GRIP1: variants seen among roughly 807,000 people sequenced by gnomAD.
The protein encoded by GRIP1 is glutamate receptor interacting protein 1.
GRIP1 carries 45 observed loss-of-function variants against 129.9 expected under a neutral mutation model. The observed-to-expected ratio is 0.35, with a 90% CI of 0.27 to 0.44. GRIP1 has a LOEUF of 0.44. Among genes scored for constraint, GRIP1 ranks in the 20% least tolerant of loss-of-function variants. The probability of loss-of-function intolerance (pLI) is 1.00; values close to 1 mark genes in which losing one functional copy is unlikely to be tolerated. For missense variants in GRIP1, 1,196 were observed against 1,396.8 expected (o/e 0.86, Z 2.29); for synonymous variants, 530 against 520.8 (o/e 1.02, Z -0.24).
At chr12:66,393,825 A>C (rs966991251) in intron 17 of GRIP1, among the ~76,000 whole-genome samples, 2 of 152,174 alleles carry the variant, frequency 1.3e-5, no homozygotes, top group African/African-American at 4.8e-5. Context: ...ACAGCAGCTA[A>C]GTGTGGCACC....
At position 66,348,064 on chromosome 12, in the gene GRIP1, A is replaced by AATT. The variant is rs1254339015; in HGVS notation, c.*952_*954dup. ...ATGCATTTGTGAAAAATGTATTTAC[A>AATT]ATTTCGGTAAGTGGCATGGCTCAGA... is the stretch of plus-strand genomic sequence containing the variant. On this transcript the variant is annotated 3_prime_UTR_variant, in exon 25 of 25. Transcript: ENST00000359742. 6.6e-6 allele frequency: 1 copy of AATT among 152,218 alleles called. No individual in the cohort carries two copies. The allele number at this position is 152,218 out of a possible 1,614,324, so 9.4% of individuals were successfully genotyped here.
chr12:66,761,306 C>G (rs1260639523), intron 1 of GRIP1, among the ~76,000 whole-genome samples: 1 of 152,084 alleles, frequency 6.6e-6, no homozygotes, highest in Middle Eastern at 3.2e-3. Context: ...GCATCTTTGT[C>G]TGTCATCCAA....
chr12:66,521,033 T>G (rs2060985769), intron 5 of GRIP1, among the ~76,000 whole-genome samples: 1 of 152,240 alleles, frequency 6.6e-6, no homozygotes, highest in African/African-American at 2.4e-5. Flanking sequence ...TAAATGATCT[T>G]GGGCTCTGTT....
intron 1 of GRIP1, among the ~76,000 whole-genome samples, chr12:66,653,207 A>G (rs1308781201): frequency 6.6e-6 from 1 of 152,204 alleles, no homozygotes; most frequent in Non-Finnish European, 1.5e-5. Flanking sequence ...CTTAAAATAA[A>G]AAAAAACCTC....
intron 1 of GRIP1, among the ~76,000 whole-genome samples, chr12:66,920,577 T>C (rs901286087): frequency 3.3e-5 from 5 of 152,202 alleles, no homozygotes; most frequent in Non-Finnish European, 5.9e-5. Flanking sequence ...ACCCAAGAAC[T>C]AAGGGGACCT....
chr12:66,978,587 G>A (rs1388553983), intron 1 of GRIP1, among the ~76,000 whole-genome samples: 2 of 152,064 alleles, frequency 1.3e-5, no homozygotes, highest in Non-Finnish European at 2.9e-5. Flanking sequence ...TGATGCCCAG[G>A]CATCAGGCTT....
chr12:66,356,235 C>T (rs1001152012), intron 23 of GRIP1, among the ~76,000 whole-genome samples: 13 of 152,210 alleles, frequency 8.5e-5, no homozygotes, highest in Admixed American at 7.2e-4. Context: ...AGAGATATTA[C>T]TGTCTCTACC....
chr12:66,357,344 AT>A, intron 23 of GRIP1, among the ~76,000 whole-genome samples: 1 of 152,122 alleles, frequency 6.6e-6, no homozygotes, highest in Admixed American at 6.5e-5. Context: ...TCTGTAGTAT[AT>A]TCCTCTGTCT....
chr12:66,418,282 G>C (rs2137806317), intron 15 of GRIP1, among the ~76,000 whole-genome samples: 1 of 152,208 alleles, frequency 6.6e-6, no homozygotes, highest in South Asian at 2.1e-4. Flanking sequence ...ATATACAAAA[G>C]TCAAATCAAA....
chr12:66,753,624 C>T (rs778509578), intron 1 of GRIP1, among the ~76,000 whole-genome samples: 1 of 152,210 alleles, frequency 6.6e-6, no homozygotes, highest in African/African-American at 2.4e-5. Context: ...TTCCTCCACT[C>T]AAAGTCTTTC....
At chr12:66,961,241 GAGGAACACCAGGGGAGACGGGTGTC>G (rs1198932615) in intron 1 of GRIP1, among the ~76,000 whole-genome samples, 4 of 152,064 alleles carry the variant, frequency 2.6e-5, no homozygotes, top group Non-Finnish European at 5.9e-5. Flanking sequence ...ACAAAACAGG[GAGGAACACCAGGGGAGACGGGTGTC>G]AGGAACACCA....
chr12:67,048,170 C>T (rs2043284165), intron 1 of GRIP1, among the ~76,000 whole-genome samples: 1 of 151,582 alleles, frequency 6.6e-6, no homozygotes, highest in South Asian at 2.1e-4. Flanking sequence ...AAAAGGTATT[C>T]CTGTTAACTC....
rs11176551 is a variant in GRIP1 at position 67,050,749 on chromosome 12, C to T, written c.58+18301G>A. On this transcript the variant is annotated intron_variant, in intron 1 of 1. Transcript: ENST00000643019. ...ATTACCCTACAAGATGCTCCAGTAG[C>T]AAAGGTGTCCTATAACCAAATAAAT... Among the ~76,000 whole-genome samples, 800 of 152,232 alleles carry T rather than the reference C, an allele frequency of 5.3e-3. 12 individuals are homozygous for T. The highest frequency in any genetic ancestry group is 0.018 in the African/African-American group (742 of 41,544).
chr12:66,657,748 C>T (rs537453956), intron 1 of GRIP1, among the ~76,000 whole-genome samples: 3 of 152,042 alleles, frequency 2.0e-5, no homozygotes, highest in South Asian at 2.1e-4. Context: ...AAGCTATTCC[C>T]GCATATCTAG....
At chr12:66,946,001 C>T (rs1566089683) in intron 1 of GRIP1, among the ~76,000 whole-genome samples, 1 of 152,198 alleles carries the variant, frequency 6.6e-6, no homozygotes, top group Non-Finnish European at 1.5e-5. Flanking sequence ...CAATTCCTCC[C>T]CTTCCTTCTT....
chr12:66,519,351 T>G (rs1229538923), intron 5 of GRIP1, among the ~76,000 whole-genome samples: 3 of 152,238 alleles, frequency 2.0e-5, no homozygotes, highest in African/African-American at 7.2e-5. Context: ...AATAAAAATT[T>G]TAAATGTTAC....
chr12:66,816,290 T>C (rs1487944981), intron 1 of GRIP1, among the ~76,000 whole-genome samples: 1 of 152,162 alleles, frequency 6.6e-6, no homozygotes, highest in Non-Finnish European at 1.5e-5. Flanking sequence ...TCTGTTGTTA[T>C]TAAGACCATT....
chr12:67,016,483 T>C (rs79254238), intron 1 of GRIP1, among the ~76,000 whole-genome samples: 2,160 of 152,338 alleles, frequency 0.014, 69 homozygotes, highest in East Asian at 0.093. Flanking sequence ...GTAGGTGTTA[T>C]TTCATTTTAA....
chr12:66,646,648 TTTTA>T (rs2032391414), intron 1 of GRIP1, among the ~76,000 whole-genome samples: 1 of 152,180 alleles, frequency 6.6e-6, no homozygotes, highest in Non-Finnish European at 1.5e-5. Context: ...CTTGAGATAT[TTTTA>T]TTTGCTACGT....
Sources: gnomAD v4.1 joint callset for allele counts (sites outside exome capture counted in the v4.1 genomes callset) on GRCh38, gnomAD v4.1.1 for gene constraint, MANE v1.5 for transcripts, NCBI Gene and HGNC (gene_info 2026-07-23, HGNC 2026-07-21) for gene names.